TRPM3: variants seen among roughly 807,000 people sequenced by gnomAD.
The protein encoded by TRPM3 is transient receptor potential cation channel subfamily M member 3, also known as long transient receptor potential channel 3.
In TRPM3, 77 loss-of-function variants were observed where a neutral mutation model predicts 181.2. That is an observed-to-expected ratio of 0.42 (90% CI 0.35 to 0.51). The LOEUF is 0.51. Among genes scored for constraint, TRPM3 ranks in the 20% least tolerant of loss-of-function variants. The pLI, the probability that TRPM3 is intolerant of heterozygous loss-of-function variation, is 0.01. For missense variants in TRPM3, 1,759 were observed against 2,196.7 expected (o/e 0.80, Z 3.98); for synonymous variants, 745 against 796.4 (o/e 0.94, Z 1.09).
intron 1 of TRPM3, among the ~76,000 whole-genome samples, chr9:71,445,664 C>G (rs1432551617): frequency 6.6e-6 from 1 of 152,152 alleles, no homozygotes; most frequent in Non-Finnish European, 1.5e-5. Flanking sequence ...AAAAACAGAG[C>G]AGGGTAACAT....
chr9:71,361,759 A>G (rs553290203), intron 1 of TRPM3, among the ~76,000 whole-genome samples: 1 of 152,316 alleles, frequency 6.6e-6, no homozygotes, highest in South Asian at 2.1e-4. Flanking sequence ...AAATTGCTCT[A>G]AACTTTTCAG....
intron 9 of TRPM3, among the ~76,000 whole-genome samples, chr9:70,643,437 G>A (rs953275337): frequency 1.3e-5 from 2 of 152,184 alleles, no homozygotes; most frequent in Non-Finnish European, 2.9e-5. Context: ...CAGTTATTGA[G>A]GTCAAGGTGA....
At chr9:71,134,550 CAAAAAAAAA>C (rs71352343) in intron 1 of TRPM3, among the ~76,000 whole-genome samples, 1 of 120,814 alleles carries the variant, frequency 8.3e-6, no homozygotes, top group South Asian at 2.9e-4. Flanking sequence ...TGCTCCATCT[CAAAAAAAAA>C]AAAAAAAGGA....
intron 1 of TRPM3, among the ~76,000 whole-genome samples, chr9:70,946,956 C>T (rs12349548): frequency 0.076 from 11,577 of 152,134 alleles, 492 homozygotes; most frequent in African/African-American, 0.096. Context: ...ATTTGTGTAT[C>T]CATTCTGTTG....
chr9:70,891,796 A>G (rs1266261739), intron 1 of TRPM3, among the ~76,000 whole-genome samples: 1 of 152,118 alleles, frequency 6.6e-6, no homozygotes, highest in Admixed American at 6.6e-5. Context: ...ACAACTCTGT[A>G]AATTGTCATT....
chr9:70,854,672 T>C (rs1474234731), intron 3 of TRPM3, among the ~76,000 whole-genome samples: 1 of 152,154 alleles, frequency 6.6e-6, no homozygotes, highest in Non-Finnish European at 1.5e-5. Context: ...TTCCCCAATT[T>C]ATCATTTCAA....
chr9:70,986,233 G>A (rs1266907631), intron 1 of TRPM3, among the ~76,000 whole-genome samples: 1 of 152,080 alleles, frequency 6.6e-6, no homozygotes, highest in Non-Finnish European at 1.5e-5. Context: ...GCATGGTGGT[G>A]CAAGACTGCT....
chr9:70,764,176 T>A (rs78344432), intron 7 of TRPM3, among the ~76,000 whole-genome samples: 5,009 of 152,282 alleles, frequency 0.033, 84 homozygotes, highest in Middle Eastern at 0.054. Flanking sequence ...GATGGCATGA[T>A]CACATTTGTG....
intron 1 of TRPM3, among the ~76,000 whole-genome samples, chr9:70,984,035 A>C (rs1052256293): frequency 9.2e-5 from 14 of 152,158 alleles, no homozygotes; most frequent in African/African-American, 3.4e-4. Flanking sequence ...CAGCTATGTG[A>C]GCCAGAAATG....
chr9:71,083,024 G>C (rs1024336659), intron 1 of TRPM3, among the ~76,000 whole-genome samples: 1 of 151,968 alleles, frequency 6.6e-6, no homozygotes, highest in African/African-American at 2.4e-5. Context: ...ATATTTCTAT[G>C]TGTGTGTGTT....
At chr9:70,786,076 C>T (rs561518940) in intron 6 of TRPM3, among the ~76,000 whole-genome samples, 56 of 152,154 alleles carry the variant, frequency 3.7e-4, no homozygotes, top group African/African-American at 1.3e-3. Flanking sequence ...TGCTAGGTCT[C>T]CTTAAGGCTC....
chr9:70,620,012 C>T (rs1267584294), intron 16 of TRPM3, 64 bp downstream of exon 16: 3 of 1,522,260 alleles, frequency 2.0e-6, no homozygotes, highest in Non-Finnish European at 2.7e-6. Context: ...TCAGACTCTC[C>T]AGCACTGGGA....
chr9:71,243,436 G>A (rs909061690), intron 1 of TRPM3, among the ~76,000 whole-genome samples: 1 of 152,166 alleles, frequency 6.6e-6, no homozygotes, highest in African/African-American at 2.4e-5. Flanking sequence ...ACTGCATGGT[G>A]CTGCCCTGCC....
intron 1 of TRPM3, among the ~76,000 whole-genome samples, chr9:71,082,069 A>G (rs1014329513): frequency 1.6e-4 from 25 of 152,200 alleles, no homozygotes; most frequent in African/African-American, 5.8e-4. Context: ...ATCTGACTAC[A>G]AATGTTTACA....
intron 1 of TRPM3, among the ~76,000 whole-genome samples, chr9:71,374,536 C>T (rs1003202405): frequency 1.3e-5 from 2 of 152,146 alleles, no homozygotes; most frequent in Non-Finnish European, 2.9e-5. Flanking sequence ...AGAACCAGCA[C>T]AAGACAAGGA....
chr9:70,568,889 TA>T (rs1435913133), intron 22 of TRPM3, among the ~76,000 whole-genome samples: 5 of 152,358 alleles, frequency 3.3e-5, no homozygotes, highest in African/African-American at 9.6e-5. Flanking sequence ...TTCCATGTTA[TA>T]AAGACTTTTG....
chr9:71,117,472 T>G (rs899965128), intron 1 of TRPM3, among the ~76,000 whole-genome samples: 4 of 152,126 alleles, frequency 2.6e-5, no homozygotes, highest in African/African-American at 9.7e-5. Context: ...TAATATTCAA[T>G]TCTTTCAGTC....
chr9:71,179,285 G>C (rs557960759), intron 1 of TRPM3, among the ~76,000 whole-genome samples: 1 of 152,222 alleles, frequency 6.6e-6, no homozygotes, highest in African/African-American at 2.4e-5. Flanking sequence ...GCTGGCACCA[G>C]TCGATTATTA....
intron 11 of TRPM3, among the ~76,000 whole-genome samples, chr9:70,637,782 TAG>T (rs928871512): frequency 6.6e-6 from 1 of 152,086 alleles, no homozygotes; most frequent in African/African-American, 2.4e-5. Flanking sequence ...AGAATAATCT[TAG>T]AGACAGAAGC....
Sources: gnomAD v4.1 joint callset for allele counts (sites outside exome capture counted in the v4.1 genomes callset) on GRCh38, gnomAD v4.1.1 for gene constraint, MANE v1.5 for transcripts, NCBI Gene and HGNC (gene_info 2026-07-23, HGNC 2026-07-21) for gene names.